CSMD3: variants seen among roughly 807,000 people sequenced by gnomAD.
The protein encoded by CSMD3 is CUB and sushi domain-containing protein 3.
CSMD3 carries 177 observed loss-of-function variants against 435.2 expected under a neutral mutation model. The ratio of observed to expected loss-of-function variants is 0.41; its 90% CI spans 0.36 to 0.46. The LOEUF (loss-of-function observed/expected upper bound fraction) is 0.46, where lower values mean the gene tolerates loss of function less well. Among genes scored for constraint, CSMD3 ranks in the 20% least tolerant of loss-of-function variants. The pLI is 0.34. For missense variants in CSMD3, 4,265 were observed against 4,504.6 expected (o/e 0.95, Z 1.52); for synonymous variants, 1,656 against 1,520.5 (o/e 1.09, Z -2.07).
intron 2 of CSMD3, among the ~76,000 whole-genome samples, chr8:113,306,015 C>A (rs1419619316): frequency 6.6e-6 from 1 of 152,068 alleles, no homozygotes; most frequent in Admixed American, 6.6e-5. Context: ...GTGTTTTATA[C>A]AAGGCTATGA....
chr8:112,707,677 T>A (rs2076528897), intron 13 of CSMD3, among the ~76,000 whole-genome samples: 1 of 152,112 alleles, frequency 6.6e-6, no homozygotes, highest in Non-Finnish European at 1.5e-5. Context: ...TGTTTGTCTA[T>A]CTTTCACGCT....
At chr8:112,480,733 C>T (rs145714660) in intron 31 of CSMD3, among the ~76,000 whole-genome samples, 9 of 152,278 alleles carry the variant, frequency 5.9e-5, no homozygotes, top group African/African-American at 2.2e-4. Flanking sequence ...TGGCAGACCA[C>T]ATTTCCTGTA....
intron 32 of CSMD3, among the ~76,000 whole-genome samples, chr8:112,432,076 T>C (rs1299214278): frequency 6.6e-6 from 1 of 152,018 alleles, no homozygotes; most frequent in Non-Finnish European, 1.5e-5. Flanking sequence ...CTGAATCATT[T>C]GAGAACTAAC....
intron 52 of CSMD3, among the ~76,000 whole-genome samples, chr8:112,302,905 T>C (rs1457676228): frequency 6.6e-6 from 1 of 151,360 alleles, no homozygotes; most frequent in Non-Finnish European, 1.5e-5. Flanking sequence ...ATTTAAAAGA[T>C]GATTAAATGG....
At chr8:112,308,048 T>C (rs1488332567) in intron 50 of CSMD3, among the ~76,000 whole-genome samples, 1 of 152,162 alleles carries the variant, frequency 6.6e-6, no homozygotes, top group Non-Finnish European at 1.5e-5. Context: ...GAATAATTGA[T>C]CTTCTGTAAT....
chr8:112,518,710 A>G (rs1823962992), intron 27 of CSMD3, among the ~76,000 whole-genome samples: 1 of 151,372 alleles, frequency 6.6e-6, no homozygotes, highest in Non-Finnish European at 1.5e-5. Flanking sequence ...TTTCTACCCA[A>G]ACTAAAATTG....
intron 4 of CSMD3, among the ~76,000 whole-genome samples, chr8:113,124,480 T>C (rs139208560): frequency 0.012 from 1,141 of 94,602 alleles, 20 homozygotes; most frequent in African/African-American, 0.061. Context: ...AAATAAACCT[T>C]GTGGGAAAAA....
chr8:112,903,698 T>A (rs991302445), intron 10 of CSMD3, among the ~76,000 whole-genome samples: 4 of 151,350 alleles, frequency 2.6e-5, no homozygotes, highest in African/African-American at 9.7e-5. Flanking sequence ...CTGCTGGATG[T>A]CTCTGACTGA....
chr8:112,782,160 T>C (rs914892343), intron 13 of CSMD3, among the ~76,000 whole-genome samples: 6 of 152,086 alleles, frequency 3.9e-5, no homozygotes, highest in Non-Finnish European at 5.9e-5. Flanking sequence ...AAATAGCTGT[T>C]TTAGGAAGCT....
intron 3 of CSMD3, among the ~76,000 whole-genome samples, chr8:113,210,035 TG>T (rs2092815247): frequency 7.5e-6 from 1 of 133,504 alleles, no homozygotes; most frequent in African/African-American, 3.3e-5. Flanking sequence ...TGTGTGTGTG[TG>T]TGTGTGTGTG....
At chr8:113,292,633 G>A (rs2093693991) in intron 2 of CSMD3, among the ~76,000 whole-genome samples, 1 of 151,856 alleles carries the variant, frequency 6.6e-6, no homozygotes, top group Non-Finnish European at 1.5e-5. Context: ...AAATATGCTT[G>A]TGAATGAGAC....
chr8:113,308,363 G>A (rs1402533116), intron 2 of CSMD3, among the ~76,000 whole-genome samples: 1 of 139,316 alleles, frequency 7.2e-6, no homozygotes, highest in African/African-American at 2.8e-5. Context: ...CCGCCTCCCG[G>A]GTTCACGCCA....
chr8:113,321,834 T>C (rs1394225972), intron 1 of CSMD3, among the ~76,000 whole-genome samples: 1 of 152,144 alleles, frequency 6.6e-6, no homozygotes, highest in Non-Finnish European at 1.5e-5. Context: ...AACTTGTAAA[T>C]TTCACATTGA....
At chr8:112,940,092 T>C (rs1361027102) in intron 9 of CSMD3, among the ~76,000 whole-genome samples, 1 of 151,968 alleles carries the variant, frequency 6.6e-6, no homozygotes, top group Non-Finnish European at 1.5e-5. Flanking sequence ...AGAAAGTTCA[T>C]GTAAGAAGAA....
intron 2 of CSMD3, among the ~76,000 whole-genome samples, chr8:113,308,258 CTTTTTTTTTTTTT>C (rs11440584): frequency 1.5e-5 from 1 of 64,918 alleles, no homozygotes; most frequent in Non-Finnish European, 2.7e-5. Flanking sequence ...TCATTTAAGT[CTTTTTTTTTTTTT>C]TTTTTTTTTT....
chr8:113,412,311 G>T (rs1247657865), intron 1 of CSMD3, among the ~76,000 whole-genome samples: 1 of 152,100 alleles, frequency 6.6e-6, no homozygotes, highest in Non-Finnish European at 1.5e-5. Flanking sequence ...CCTCAGAGTT[G>T]TGTGTCTTCA....
At chr8:112,494,589 T>C (rs1821150212) in intron 30 of CSMD3, among the ~76,000 whole-genome samples, 2 of 148,954 alleles carry the variant, frequency 1.3e-5, no homozygotes, top group Middle Eastern at 3.4e-3. Flanking sequence ...TCTTTCTCTC[T>C]ACAAGTACTT....
intron 5 of CSMD3, among the ~76,000 whole-genome samples, chr8:113,041,108 A>T (rs2087589938): frequency 6.6e-6 from 1 of 151,002 alleles, no homozygotes; most frequent in Non-Finnish European, 1.5e-5. Context: ...TGGGAGGCTG[A>T]GGCAGGGGAA....
intron 13 of CSMD3, among the ~76,000 whole-genome samples, chr8:112,798,831 A>G (rs2078890575): frequency 2.0e-5 from 3 of 151,922 alleles, no homozygotes; most frequent in Admixed American, 2.0e-4. Flanking sequence ...ACACAGGAAT[A>G]TAAGAATGCC....
Sources: allele counts gnomAD v4.1 joint callset (sites outside exome capture counted in the v4.1 genomes callset), GRCh38; gene constraint gnomAD v4.1.1; transcripts MANE v1.5; gene names NCBI Gene and HGNC (gene_info 2026-07-23, HGNC 2026-07-21).